Variants in EML5 observed in about 807,000 individuals in gnomAD.
EML5 encodes echinoderm microtubule-associated protein-like 5.
In EML5, 120 loss-of-function variants were observed where a neutral mutation model predicts 250.0. That is an observed-to-expected ratio of 0.48 (90% confidence interval 0.41 to 0.56). EML5 has a LOEUF of 0.56. Ranked by LOEUF, EML5 falls within the 20% of genes least tolerant of loss-of-function variation. EML5 has a pLI of 0.00. For synonymous variants in EML5, 771 were observed against 806.5 expected (o/e 0.96, Z 0.75); for missense variants, 2,006 against 2,437.6 (o/e 0.82, Z 3.73).
intron 40 of EML5, 33 bp from the exon 41 acceptor site, chr14:88,618,364 C>A: frequency 6.3e-7 from 1 of 1,586,422 alleles, no homozygotes; most frequent in Admixed American, 1.7e-5. Context: ...GACAAGAATT[C>A]CATTAGGTGA....
intron 13 of EML5, among the ~76,000 whole-genome samples, chr14:88,703,583 C>T (rs905553573): frequency 2.2e-4 from 33 of 152,246 alleles, no homozygotes; most frequent in Non-Finnish European, 4.9e-4. Context: ...GCCATTTTAA[C>T]ACTAGAGAAA....
chr14:88,724,267 C>G (rs965189214), intron 8 of EML5, among the ~76,000 whole-genome samples: 1 of 137,328 alleles, frequency 7.3e-6, no homozygotes, highest in African/African-American at 3.0e-5. Context: ...GAGCAAGACT[C>G]CATATCAAAA....
intron 21 of EML5, among the ~76,000 whole-genome samples, chr14:88,667,584 C>A (rs542525151): frequency 6.6e-6 from 1 of 152,302 alleles, no homozygotes; most frequent in Admixed American, 6.5e-5. Flanking sequence ...TATTGCCTCT[C>A]AGTTCCAAAT....
intron 1 of EML5, among the ~76,000 whole-genome samples, chr14:88,769,364 T>C (rs1157498402): frequency 1.3e-5 from 2 of 152,200 alleles, no homozygotes; most frequent in African/African-American, 4.8e-5. Flanking sequence ...CTTTGCCTTC[T>C]GCCATGACTG....
At chr14:88,684,599 G>A (rs1259808968) in intron 20 of EML5, among the ~76,000 whole-genome samples, 1 of 151,250 alleles carries the variant, frequency 6.6e-6, no homozygotes, top group African/African-American at 2.4e-5. Flanking sequence ...AATTGCCTTA[G>A]GCTCAACAAA....
At position 88,740,409 on chromosome 14, in the gene EML5, C is replaced by T. The variant is rs566623060; in HGVS notation, c.689G>A (p.Arg230Gln). 19 of 1,610,952 alleles carry T rather than the reference C, an allele frequency of 1.2e-5. No individual in the cohort carries two copies. The highest frequency in any genetic ancestry group is 8.0e-5 in the African/African-American group (6 of 74,880). The change falls in exon 5 of 44, where the codon CGA becomes CAA. Residue 230 changes from arginine to glutamine, a missense_variant. By Grantham distance (43) the Arg-to-Gln change is conservative. Coordinates refer to ENST00000554922, the MANE Select transcript of EML5 (RefSeq NM_183387.3). The stretch of plus-strand genomic sequence containing the variant: ...TACAGCATGGGCTCCTTGTATTGTT[C>T]GTATAAGATTGATTCCTTTCCAAAC... ...IYVWKGINLIRTIQGAHAAGI... is the reference protein window; with the variant it reads ...IYVWKGINLIQTIQGAHAAGI...
chr14:88,705,899 A>G (rs2093308632), intron 11 of EML5: 3 of 564,892 alleles, frequency 5.3e-6, no homozygotes, highest in Middle Eastern at 2.7e-4. Context: ...AAAATAGCTA[A>G]AAATACTATA....
intron 37 of EML5, chr14:88,621,770 G>C: frequency 2.9e-6 from 1 of 344,172 alleles, no homozygotes; most frequent in Middle Eastern, 8.5e-4. Context: ...AGGAGTTGTA[G>C]TTTTGAATTT....
intron 8 of EML5, among the ~76,000 whole-genome samples, chr14:88,725,069 T>A (rs1217067552): frequency 1.3e-5 from 2 of 152,204 alleles, no homozygotes; most frequent in Non-Finnish European, 2.9e-5. Flanking sequence ...TTCATTTTTT[T>A]AAAATATGAG....
At chr14:88,775,441 C>A (rs1281215763) in intron 1 of EML5, among the ~76,000 whole-genome samples, 4 of 152,172 alleles carry the variant, frequency 2.6e-5, no homozygotes, top group African/African-American at 9.7e-5. Flanking sequence ...GACTTATGAG[C>A]CCTTGGGCCT....
At chr14:88,784,994 T>C (rs1230548872) in intron 1 of EML5, among the ~76,000 whole-genome samples, 2 of 152,176 alleles carry the variant, frequency 1.3e-5, no homozygotes, top group African/African-American at 4.8e-5. Flanking sequence ...ATATACACAA[T>C]GGAGTACTAG....
intron 7 of EML5, among the ~76,000 whole-genome samples, chr14:88,734,326 T>C (rs2093806863): frequency 6.6e-6 from 1 of 152,134 alleles, no homozygotes. Flanking sequence ...TAATGAGTGG[T>C]AAATGTAAGT....
intron 25 of EML5, among the ~76,000 whole-genome samples, chr14:88,660,282 T>TTA (rs2092035663): frequency 1.5e-5 from 2 of 133,888 alleles, no homozygotes; most frequent in Non-Finnish European, 3.2e-5. Context: ...GACGCTGTCT[T>TTA]AAAAAAAAAA....
rs71127000 is a variant in EML5 at position 88,662,339 on chromosome 14, G to GTTTTTTT, written c.3499-516_3499-510dup. Among the ~76,000 whole-genome samples the GTTTTTTT allele has an allele frequency of 3.8e-3, 212 of 55,648 alleles. 18 individuals carry two copies. Among genetic ancestry groups the GTTTTTTT allele is most frequent in the African/African-American group, 0.013 (204 of 15,654 alleles). 36.5% of individuals were successfully genotyped at this position (55,648 alleles called of 152,430 possible). A position where few individuals can be genotyped will look rare whatever the true frequency, so the allele number is the denominator to read the frequency against. ...CACAAAATGCAACACAATTTTTCTT[G>GTTTTTTT]TTTTTTTTTTTTTTTTTTTTTTTTT... is the stretch of plus-strand genomic sequence containing the variant. On this transcript the variant is annotated intron_variant, in intron 24 of 43. Coordinates refer to ENST00000554922, the MANE Select transcript of EML5 (RefSeq NM_183387.3).
At chr14:88,683,509 T>C (rs541845491) in intron 20 of EML5, among the ~76,000 whole-genome samples, 1 of 152,292 alleles carries the variant, frequency 6.6e-6, no homozygotes, top group South Asian at 2.1e-4. Flanking sequence ...TACCCTGATA[T>C]CAAAGCCAGA....
chr14:88,693,763 C>CTTTT (rs71127002), intron 17 of EML5, among the ~76,000 whole-genome samples: 38 of 62,862 alleles, frequency 6.0e-4, no homozygotes, highest in Middle Eastern at 8.9e-3. Context: ...ATGTTAACAT[C>CTTTT]TTTTTTTTTT....
chr14:88,771,607 T>A (rs1198616388), intron 1 of EML5, among the ~76,000 whole-genome samples: 3 of 152,214 alleles, frequency 2.0e-5, no homozygotes, highest in Non-Finnish European at 4.4e-5. Flanking sequence ...TGTCTCATCT[T>A]TTTCACTCCC....
chr14:88,621,683 A>ACCCC (rs2088970148), intron 37 of EML5: 5 of 279,950 alleles, frequency 1.8e-5, no homozygotes, highest in African/African-American at 1.1e-4. Context: ...ACTACAATTT[A>ACCCC]ATATGCAGGC....
At chr14:88,634,551 T>C in intron 32 of EML5, 62 bp from the exon 33 acceptor site, 1 of 952,756 alleles carries the variant, frequency 1.0e-6, no homozygotes, top group East Asian at 3.0e-5. Flanking sequence ...AAAACCCAAA[T>C]ATCATATTAA....
Sources: allele counts gnomAD v4.1 joint callset (sites outside exome capture counted in the v4.1 genomes callset), GRCh38; gene constraint gnomAD v4.1.1; transcripts MANE v1.5; gene names NCBI Gene and HGNC (gene_info 2026-07-23, HGNC 2026-07-21).